The following XKR4 variants were observed in gnomAD, a reference collection of about 807,000 sequenced individuals.
XKR4 encodes XK related 4.
Under a neutral mutation model 53.9 loss-of-function variants are expected in XKR4, and 12 were observed. The observed-to-expected ratio is 0.22, with a 90% CI of 0.14 to 0.36. The LOEUF (loss-of-function observed/expected upper bound fraction) is 0.36. Among genes scored for constraint, XKR4 ranks in the 10% least tolerant of loss-of-function variants. XKR4 has a pLI of 1.00. For missense variants in XKR4, 799 were observed against 859.5 expected, an observed-to-expected ratio of 0.93 and a Z score of 0.88; for synonymous variants, 354 against 362.4, an observed-to-expected ratio of 0.98 and a Z score of 0.26.
At chr8:55,376,663 T>C (rs1210792151) in intron 2 of XKR4, among the ~76,000 whole-genome samples, 1 of 152,070 alleles carries the variant, frequency 6.6e-6, no homozygotes, top group Non-Finnish European at 1.5e-5. Context: ...CTTCAATCCA[T>C]TAAATGTGAA....
intron 2 of XKR4, chr8:55,449,517 C>T: frequency 6.9e-7 from 1 of 1,453,418 alleles, no homozygotes. Context: ...GCTCAGGCGT[C>T]CGACAGTCAG....
chr8:55,494,044 G>A (rs753506271), intron 2 of XKR4, among the ~76,000 whole-genome samples: 7 of 152,248 alleles, frequency 4.6e-5, no homozygotes, highest in Non-Finnish European at 8.8e-5. Context: ...GTCAGGCTGC[G>A]TTTGGCTCAT....
intron 2 of XKR4, among the ~76,000 whole-genome samples, chr8:55,480,985 A>G (rs1284527494): frequency 1.3e-5 from 2 of 152,194 alleles, no homozygotes; most frequent in African/African-American, 2.4e-5. Flanking sequence ...AAGGTAATTT[A>G]TAGATTCAAT....
intron 1 of XKR4, among the ~76,000 whole-genome samples, chr8:55,232,529 A>G (rs1415113552): frequency 6.6e-6 from 1 of 152,230 alleles, no homozygotes; most frequent in Non-Finnish European, 1.5e-5. Context: ...TGGACATTTT[A>G]TACACTTGCG....
chr8:55,255,573 A>G (rs1053327040), intron 1 of XKR4, among the ~76,000 whole-genome samples: 1 of 152,180 alleles, frequency 6.6e-6, no homozygotes, highest in African/African-American at 2.4e-5. Flanking sequence ...TGATCAGGGT[A>G]TGCTTAGTGT....
chr8:55,171,364 G>T (rs1450728333), intron 1 of XKR4, among the ~76,000 whole-genome samples: 1 of 152,156 alleles, frequency 6.6e-6, no homozygotes, highest in Non-Finnish European at 1.5e-5. Context: ...GGACAGGCAA[G>T]CTGGTGCTTG....
At chr8:55,140,172 C>G (rs150183632) in intron 1 of XKR4, 187 of 429,172 alleles carry the variant, frequency 4.4e-4, no homozygotes, top group Non-Finnish European at 7.4e-4. Flanking sequence ...GACTGAGTGT[C>G]TTTTCTTCTT....
chr8:55,381,377 C>T (rs559807489), intron 2 of XKR4, among the ~76,000 whole-genome samples: 1 of 152,278 alleles, frequency 6.6e-6, no homozygotes, highest in South Asian at 2.1e-4. Context: ...GAAATTGGCT[C>T]ACACAATTAT....
chr8:55,147,222 C>G (rs577169326), intron 1 of XKR4, among the ~76,000 whole-genome samples: 2 of 151,984 alleles, frequency 1.3e-5, no homozygotes, highest in South Asian at 4.2e-4. Flanking sequence ...GTGACTCAAA[C>G]AAAAGAAAGG....
chr8:55,439,987 G>C (rs1337305290), intron 2 of XKR4, among the ~76,000 whole-genome samples: 1 of 152,192 alleles, frequency 6.6e-6, no homozygotes, highest in African/African-American at 2.4e-5. Context: ...AGGATGCAGA[G>C]AAGGATGAAG....
chr8:55,452,496 T>G (rs1805468190), intron 2 of XKR4: 1 of 641,850 alleles, frequency 1.6e-6, no homozygotes, highest in East Asian at 2.8e-5. Flanking sequence ...GCGCAGGCCA[T>G]CCAGCACACA....
intron 1 of XKR4, among the ~76,000 whole-genome samples, chr8:55,273,899 C>A (rs945792839): frequency 1.3e-5 from 2 of 152,276 alleles, no homozygotes; most frequent in African/African-American, 4.8e-5. Flanking sequence ...AGGCAGCAGG[C>A]AAGGTGAACC....
chr8:55,524,292 A>G lies in XKR4; in HGVS notation c.*65A>G, dbSNP rs1235553365. Reference sequence around the variant, plus strand: ...GGGTGACAGCAGGGCTGTGGCCATAATGACACTTCATCCTAGAGCAGGGCA... The same window carrying G: ...GGGTGACAGCAGGGCTGTGGCCATAGTGACACTTCATCCTAGAGCAGGGCA... On this transcript the variant is annotated 3_prime_UTR_variant, in exon 3 of 3. Coordinates refer to ENST00000327381, the MANE Select transcript of XKR4 (RefSeq NM_052898.2). The G allele has an allele frequency of 1.4e-6, 2 of 1,462,448 alleles. No individual in the cohort carries two copies. Among genetic ancestry groups the G allele is most frequent in the Non-Finnish European group, 1.9e-6 (2 of 1,069,982 alleles). 90.6% of individuals were successfully genotyped at this position (1,462,448 alleles called of 1,614,324 possible).
intron 2 of XKR4, among the ~76,000 whole-genome samples, chr8:55,435,023 T>C (rs1336755804): frequency 1.3e-5 from 2 of 152,198 alleles, no homozygotes; most frequent in Non-Finnish European, 2.9e-5. Flanking sequence ...TCTGAAAGTC[T>C]AAGAAATGTT....
intron 2 of XKR4, among the ~76,000 whole-genome samples, chr8:55,478,561 A>T (rs1806041602): frequency 6.6e-6 from 1 of 152,160 alleles, no homozygotes; most frequent in African/African-American, 2.4e-5. Flanking sequence ...ATTAACTTTA[A>T]ATGTAAATGG....
chr8:55,419,424 A>G (rs547935994), intron 2 of XKR4, among the ~76,000 whole-genome samples: 2 of 152,192 alleles, frequency 1.3e-5, no homozygotes, highest in South Asian at 2.1e-4. Flanking sequence ...TGGTATTCCA[A>G]TGTATTGGGC....
chr8:55,306,514 T>C (rs1007025480), intron 1 of XKR4, among the ~76,000 whole-genome samples: 5 of 152,198 alleles, frequency 3.3e-5, no homozygotes, highest in African/African-American at 1.2e-4. Context: ...CTCACTATCA[T>C]GGCGGAAGGC....
intron 2 of XKR4, among the ~76,000 whole-genome samples, chr8:55,417,922 G>A (rs770258890): frequency 1.2e-4 from 19 of 152,088 alleles, no homozygotes; most frequent in African/African-American, 3.6e-4. Flanking sequence ...TCAGGAGCTC[G>A]TGTCATTCCT....
chr8:55,480,263 A>G (rs1806078768), intron 2 of XKR4, among the ~76,000 whole-genome samples: 1 of 150,290 alleles, frequency 6.7e-6, no homozygotes, highest in African/African-American at 2.5e-5. Context: ...AAATCAATAA[A>G]TGTAATCCAG....
Sources: allele counts gnomAD v4.1 joint callset (sites outside exome capture counted in the v4.1 genomes callset), GRCh38; gene constraint gnomAD v4.1.1; transcripts MANE v1.5; gene names NCBI Gene and HGNC (gene_info 2026-07-23, HGNC 2026-07-21).